The following ANTXR1 variants were observed in gnomAD, a reference collection of about 807,000 sequenced individuals.
ANTXR1 encodes anthrax toxin receptor 1.
In ANTXR1, 19 loss-of-function variants were observed where a neutral mutation model predicts 78.1. The ratio of observed to expected loss-of-function variants is 0.24; its 90% CI spans 0.17 to 0.36. The LOEUF (loss-of-function observed/expected upper bound fraction) is 0.36, where lower values mean the gene tolerates loss of function less well. Among genes scored for constraint, ANTXR1 ranks in the 10% least tolerant of loss-of-function variants. The pLI is 1.00. For missense variants in ANTXR1, 518 were observed against 718.6 expected, an observed-to-expected ratio of 0.72 and a Z score of 3.19; for synonymous variants, 273 against 260.5, an observed-to-expected ratio of 1.05 and a Z score of -0.46.
chr2:69,236,964 C>G (rs1461820766), intron 17 of ANTXR1, among the ~76,000 whole-genome samples: 1 of 152,046 alleles, frequency 6.6e-6, no homozygotes, highest in Non-Finnish European at 1.5e-5. Context: ...TTTAACATTC[C>G]CTTCTCCCTT....
chr2:69,077,579 G>T, intron 8 of ANTXR1, 91 bp downstream of exon 8: 4 of 1,369,440 alleles, frequency 2.9e-6, no homozygotes, highest in Non-Finnish European at 4.2e-6. Context: ...CTCAAAGCCT[G>T]GTGTTTTTCT....
At chr2:69,238,256 A>G (rs2104529149) in intron 17 of ANTXR1, among the ~76,000 whole-genome samples, 1 of 152,350 alleles carries the variant, frequency 6.6e-6, no homozygotes, top group Non-Finnish European at 1.5e-5. Flanking sequence ...GCTCAGGGTC[A>G]CAGATCACAA....
At chr2:69,218,952 A>AG (rs1422316449) in intron 17 of ANTXR1, among the ~76,000 whole-genome samples, 1 of 152,230 alleles carries the variant, frequency 6.6e-6, no homozygotes, top group Non-Finnish European at 1.5e-5. Context: ...AAAACAAACC[A>AG]GGAGCCTTAA....
intron 17 of ANTXR1, among the ~76,000 whole-genome samples, chr2:69,239,563 T>A (rs1306124648): frequency 1.3e-5 from 2 of 151,728 alleles, no homozygotes; most frequent in East Asian, 1.9e-4. Flanking sequence ...AAAAAAAAAA[T>A]GTTGATGGAA....
chr2:69,110,637 T>C (rs1671947713), intron 10 of ANTXR1, among the ~76,000 whole-genome samples: 1 of 151,992 alleles, frequency 6.6e-6, no homozygotes, highest in Non-Finnish European at 1.5e-5. Flanking sequence ...GGCGGGCGGA[T>C]CACAAGGTCT....
In ANTXR1 at chr2:69,229,164, G is replaced by A. The variant is rs77649648; in HGVS notation, c.1435-16061G>A. 2.7e-3 allele frequency among the ~76,000 whole-genome samples: 414 copies of A among 152,276 alleles called. 9 individuals are homozygous for A. In the East Asian group the frequency reaches 0.033, roughly 12 times the overall value. On this transcript the variant is annotated intron_variant, in intron 17 of 17. Transcript: ENST00000303714. ...CAAATACTATCCCACTGGAGGCTGA[G>A]GCTTCAACACATGGATTTGGGGAGA... is the stretch of plus-strand genomic sequence containing the variant.
At chr2:69,138,632 G>A (rs964962567) in intron 12 of ANTXR1, among the ~76,000 whole-genome samples, 7 of 152,262 alleles carry the variant, frequency 4.6e-5, no homozygotes, top group East Asian at 3.9e-4. Context: ...ATTTCTCCTC[G>A]AAAGAAGAGT....
At chr2:69,090,634 A>T in intron 8 of ANTXR1, 1 of 592,882 alleles carries the variant, frequency 1.7e-6, no homozygotes, top group African/African-American at 1.9e-5. Flanking sequence ...CAAATGAATG[A>T]ATAATTCTTA....
In ANTXR1 at chr2:69,246,482, T is replaced by TG. The variant is rs768508963; in HGVS notation, c.*997_*998insG. On this transcript the variant is annotated 3_prime_UTR_variant, in exon 18 of 18. Transcript: ENST00000303714. Reference sequence around the variant, plus strand: ...TCACTAGTTTTTTTTGTTTGTTTGTTTTTTGTTTTTTTTCTTGGTAAAGCC... The same window carrying TG: ...TCACTAGTTTTTTTTGTTTGTTTGTTGTTTTGTTTTTTTTCTTGGTAAAGCC... The TG allele has an allele frequency of 1.3e-5, 2 of 151,908 alleles. No homozygotes were observed. Among genetic ancestry groups the TG allele is most frequent in the Non-Finnish European group, 2.9e-5 (2 of 68,050 alleles). 9.4% of individuals were successfully genotyped at this position (151,908 alleles called of 1,614,324 possible).
chr2:69,096,282 A>AAGGG (rs1558540969), intron 9 of ANTXR1, among the ~76,000 whole-genome samples: 1 of 34,642 alleles, frequency 2.9e-5, no homozygotes, highest in Non-Finnish European at 4.4e-5. Flanking sequence ...GGAAGGAAGG[A>AAGGG]AGGAAGGGAG....
chr2:69,199,019 A>C (rs1327264371), intron 17 of ANTXR1, among the ~76,000 whole-genome samples: 2 of 152,244 alleles, frequency 1.3e-5, no homozygotes, highest in Non-Finnish European at 2.9e-5. Context: ...GAATTGAAGG[A>C]TGCAAGTTTC....
chr2:69,016,832 TGTC>T (rs1330958084), intron 1 of ANTXR1, among the ~76,000 whole-genome samples: 2 of 152,256 alleles, frequency 1.3e-5, no homozygotes, highest in African/African-American at 2.4e-5. Flanking sequence ...TTGAAAATCA[TGTC>T]AAGTGGGTCT....
chr2:69,229,100 C>A (rs1261083458), intron 17 of ANTXR1, among the ~76,000 whole-genome samples: 1 of 152,088 alleles, frequency 6.6e-6, no homozygotes, highest in East Asian at 1.9e-4. Flanking sequence ...ACCCTCATGA[C>A]CTCATCCAAC....
At chr2:69,063,607 AG>A (rs1270466838) in intron 3 of ANTXR1, among the ~76,000 whole-genome samples, 1 of 151,992 alleles carries the variant, frequency 6.6e-6, no homozygotes, top group East Asian at 1.9e-4. Context: ...AAGAAGGAAG[AG>A]TACCAGAAAT....
intron 14 of ANTXR1, chr2:69,172,342 T>A: frequency 6.2e-7 from 1 of 1,603,824 alleles, no homozygotes; most frequent in South Asian, 1.1e-5. Context: ...GGCCACCTAA[T>A]CTCCTTCCTA....
intron 17 of ANTXR1, among the ~76,000 whole-genome samples, chr2:69,231,680 T>A (rs764352714): frequency 1.3e-5 from 2 of 152,186 alleles, no homozygotes; most frequent in Non-Finnish European, 2.9e-5. Context: ...CTGGAATCAC[T>A]GGAAGGTTGA....
At chr2:69,062,113 G>A (rs1315677308) in intron 3 of ANTXR1, among the ~76,000 whole-genome samples, 1 of 152,208 alleles carries the variant, frequency 6.6e-6, no homozygotes, top group African/African-American at 2.4e-5. Context: ...TTGGGTAATT[G>A]GAGGAGTGGG....
chr2:69,205,939 A>T (rs1558645070), intron 17 of ANTXR1, among the ~76,000 whole-genome samples: 2 of 152,216 alleles, frequency 1.3e-5, no homozygotes, highest in Non-Finnish European at 2.9e-5. Context: ...ATTCATTTTT[A>T]AAAAACTCTC....
chr2:69,233,426 T>C (rs761136971), intron 17 of ANTXR1, among the ~76,000 whole-genome samples: 22 of 151,758 alleles, frequency 1.4e-4, no homozygotes. Flanking sequence ...TAATTTTTAT[T>C]AGAAAAAAAT....
Sources: allele counts gnomAD v4.1 joint callset (sites outside exome capture counted in the v4.1 genomes callset), GRCh38; gene constraint gnomAD v4.1.1; transcripts MANE v1.5; gene names NCBI Gene and HGNC (gene_info 2026-07-23, HGNC 2026-07-21).